BRICD5: variants seen among roughly 807,000 people sequenced by gnomAD.
BRICD5 encodes BRICHOS domain-containing protein 5.
In BRICD5, 51 loss-of-function variants were observed where a neutral mutation model predicts 28.4. That is an observed-to-expected ratio of 1.80 (90% CI 1.43 to 2.27). BRICD5 has a LOEUF of 2.27. Ranked by LOEUF, BRICD5 falls within the 30% of genes most tolerant of loss-of-function variation. The pLI, the probability that BRICD5 is intolerant of heterozygous loss-of-function variation, is 0.00. For synonymous variants in BRICD5, 177 were observed against 130.2 expected (o/e 1.36, Z -2.44); for missense variants, 456 against 309.6 (o/e 1.47, Z -3.55).
At chr16:2,209,808 G>A in intron 4 of BRICD5, 102 bp from the exon 5 acceptor site, 1 of 1,407,178 alleles carries the variant, frequency 7.1e-7, no homozygotes, top group Non-Finnish European at 9.6e-7. Context: ...CCCACCCTCA[G>A]CTCTTGTCAG....
chr16:2,210,788 T>C lies in BRICD5; in HGVS notation c.46A>G (p.Thr16Ala), dbSNP rs200699563. ...GAGTAACGGGAGGCACTCACCCCTG[T>C]AGGCCCAGGTTTGGGGCGCTCAGCA... ...CCAERPKPGP[T>A]GVKTKPSCGG... Residue 16 changes from threonine to alanine, a missense_variant, in exon 1 of 6, where the codon ACA (threonine) becomes GCA (alanine). Coordinates refer to ENST00000328540, the MANE Select transcript of BRICD5 (RefSeq NM_182563.4). The C allele has an allele frequency of 4.7e-5, 75 of 1,606,434 alleles. No individual in the cohort carries two copies. The highest frequency in any genetic ancestry group is 5.0e-5 in the Non-Finnish European group (59 of 1,179,950).
chr16:2,209,336 G>A lies in BRICD5; in HGVS notation c.*26C>T, dbSNP rs142915435. ...CTGGCCAGCCCACTGGATTGGGGAC[G>A]GGCCAGGCTGGGCCAGGTCGGGGGC... is the stretch of plus-strand genomic sequence containing the variant. On this transcript the variant is annotated 3_prime_UTR_variant, in exon 6 of 6. Transcript: ENST00000328540. 2.0e-4 allele frequency: 318 copies of A among 1,594,458 alleles called. 1 individual carries two copies. The African/African-American group carries it at 3.6e-3, about 18-fold the overall frequency.
rs780025119 is a variant in BRICD5 at position 2,209,674 on chromosome 16, G to C, written c.471C>G (p.Thr157=). 6.2e-7 allele frequency: 1 copy of C among 1,612,864 alleles called. No homozygotes were observed. Among genetic ancestry groups the C allele is most frequent in the Non-Finnish European group, 8.5e-7 (1 of 1,179,606 alleles). Residue 157 remains threonine (T), a synonymous_variant, in exon 5 of 6, where the codon ACC becomes ACG. Coordinates refer to ENST00000328540, the MANE Select transcript of BRICD5 (RefSeq NM_182563.4). The part of the protein sequence containing the change: ...VQEAWVPSQD[T]HHTQELLAVQ... ...CTGCCAGCAGCTCCTGGGTGTGGTG[G>C]GTGTCCTGGCTGGGGACCCAAGCCT...
intron 4 of BRICD5, 24 bp from the exon 5 acceptor site, chr16:2,209,730 G>C (rs1273020578): frequency 1.2e-5 from 19 of 1,585,882 alleles, no homozygotes; most frequent in Non-Finnish European, 1.5e-5. Flanking sequence ...TCTGGTGGGC[G>C]GTGGGACAGG....
chr16:2,210,054 G>A lies in BRICD5; in HGVS notation c.337-3C>T. 2 of 1,599,172 alleles carry A rather than the reference G, an allele frequency of 1.3e-6. No homozygotes were observed. Among genetic ancestry groups the A allele is most frequent in the Non-Finnish European group, 1.7e-6 (2 of 1,172,358 alleles). ...TCAGGGCGGTAACAGATGCAGCCCT[G>A]GGGAGGCAGGGGGGTGAGGCGGGGC... On this transcript the variant is annotated splice_region_variant and splice_polypyrimidine_tract_variant and intron_variant, in intron 3 of 5. Coordinates refer to ENST00000328540, the MANE Select transcript of BRICD5 (RefSeq NM_182563.4).
chr16:2,210,203 C>T lies in BRICD5; in HGVS notation c.259G>A (p.Ala87Thr), dbSNP rs545136878. ...RPNQTILVDV[A>T]RNAATITVTP... ...ACTGTGATGGTCGCCGCGTTCCGGG[C>T]CACGTCCACCAGGATGGTTTGGTTG... Residue 87 changes from alanine to threonine, a missense_variant, in exon 3 of 6, where the codon GCC becomes ACC. By Grantham distance (58) the Ala-to-Thr change is moderately conservative. Transcript: ENST00000328540. 4 of 1,590,760 alleles carry T rather than the reference C, an allele frequency of 2.5e-6. No homozygotes were observed. In the East Asian group the frequency reaches 6.8e-5, roughly 27 times the overall value.
At chr16:2,210,746 CT>C in intron 1 of BRICD5, 36 bp downstream of exon 1, 1 of 1,608,958 alleles carries the variant, frequency 6.2e-7, no homozygotes, top group Non-Finnish European at 8.5e-7. Context: ...GGGGCACCCC[CT>C]GGGTCCTTGC....
Position 2,209,367 on chromosome 16 carries a change from C to G in BRICD5, c.682G>C (p.Asp228His). 1 of 1,612,478 alleles carries G rather than the reference C, an allele frequency of 6.2e-7. No homozygotes were observed. Among genetic ancestry groups the G allele is most frequent in the Non-Finnish European group, 8.5e-7 (1 of 1,179,002 alleles). Residue 228 changes from aspartate to histidine, a missense_variant, in exon 6 of 6, where the codon GAC becomes CAC. Coordinates refer to ENST00000328540, the MANE Select transcript of BRICD5 (RefSeq NM_182563.4). ...GGCTGGGCCAGGTCGGGGGCTCAGT[C>G]TGGGAGGTAATAAAAGCAGACCGAC... is the stretch of plus-strand genomic sequence containing the variant. ...CVSVCFYYLPD is the reference protein window; with the variant it reads ...CVSVCFYYLPH
rs774265809 is a variant in BRICD5 at position 2,209,434 on chromosome 16, A to C, written c.615T>G (p.Ile205Met). ...GGAAGCAGATGTCGATGCAGAGATA[A>C]ATCAGCCGCTGTCTCCGGGGCCCTG... ...RAEGPRRQRL[I>M]YLCIDICFPS... The change falls in exon 6 of 6, where the codon ATT (isoleucine) becomes ATG (methionine). Residue 205 changes from isoleucine to methionine, a missense_variant. Physicochemically the swap from Ile to Met is conservative, Grantham distance 10. Coordinates refer to ENST00000328540, the MANE Select transcript of BRICD5 (RefSeq NM_182563.4). 1 of 1,613,638 alleles carries C rather than the reference A, an allele frequency of 6.2e-7. No homozygotes were observed. Among genetic ancestry groups the C allele is most frequent in the Admixed American group, 1.7e-5 (1 of 60,002 alleles).
chr16:2,209,899 G>A (rs1188861259), intron 4 of BRICD5, 51 bp downstream of exon 4: 11 of 1,459,146 alleles, frequency 7.5e-6, no homozygotes, highest in Non-Finnish European at 9.1e-6. Context: ...CTGCACACAG[G>A]ACCCTTTGTC....
At chr16:2,210,384 C>T (rs2093368403) in intron 2 of BRICD5, 103 bp from the exon 3 acceptor site, 14 of 1,532,452 alleles carry the variant, frequency 9.1e-6, no homozygotes, top group African/African-American at 1.4e-5. Flanking sequence ...GGCCCTTCCA[C>T]CCCTTGGTCC....
chr16:2,210,857 G>A lies in BRICD5; in HGVS notation c.-24C>T, dbSNP rs370227543. 1.1e-4 allele frequency: 183 copies of A among 1,600,038 alleles called. No individual in the cohort carries two copies. The highest frequency in any genetic ancestry group is 1.4e-4 in the Non-Finnish European group (166 of 1,179,788). On this transcript the variant is annotated 5_prime_UTR_variant, in exon 1 of 6. Coordinates refer to ENST00000328540, the MANE Select transcript of BRICD5 (RefSeq NM_182563.4). ...ATCCTGCAGCCCCTGCTCACAATGTGCCGATTGTCTGCGTCCCTTGTCTGC... is the reference window on the plus strand; with the variant it reads ...ATCCTGCAGCCCCTGCTCACAATGTACCGATTGTCTGCGTCCCTTGTCTGC...
rs1311000535 is a variant in BRICD5 at position 2,209,713 on chromosome 16, A to C, written c.439-7T>G. The C allele has an allele frequency of 6.2e-7, 1 of 1,602,476 alleles. No individual in the cohort carries two copies. Among genetic ancestry groups the C allele is most frequent in the African/African-American group, 1.3e-5 (1 of 74,604 alleles). On this transcript the variant is annotated splice_region_variant and splice_polypyrimidine_tract_variant and intron_variant, in intron 4 of 5. Coordinates refer to ENST00000328540, the MANE Select transcript of BRICD5 (RefSeq NM_182563.4). ...GGACCCAAGCCTCTTGGACCTGTTG[A>C]GAAGGCTCTGGTGGGCGGTGGGACA...
At position 2,210,052 on chromosome 16, in the gene BRICD5, C is replaced by T; in HGVS notation, c.337-1G>A. 6 of 1,600,160 alleles carry T rather than the reference C, an allele frequency of 3.7e-6. No homozygotes were observed. On this transcript the variant is annotated splice_acceptor_variant, in intron 3 of 5. Transcript: ENST00000328540. LOFTEE classifies it high-confidence loss of function. ...CCTCAGGGCGGTAACAGATGCAGCC[C>T]TGGGGAGGCAGGGGGGTGAGGCGGG...
Position 2,209,299 on chromosome 16 carries a change from G to A in BRICD5, c.*63C>T. On this transcript the variant is annotated 3_prime_UTR_variant, in exon 6 of 6. Coordinates refer to ENST00000328540, the MANE Select transcript of BRICD5 (RefSeq NM_182563.4). ...GTCCCTGCCAGCAGCTGTCCTCCCT[G>A]GTGCAGGTGGCCTGGCCAGCCCACT... 7.0e-7 allele frequency: 1 copy of A among 1,434,550 alleles called. No individual in the cohort carries two copies. Among genetic ancestry groups the A allele is most frequent in the Non-Finnish European group, 9.7e-7 (1 of 1,028,978 alleles). The allele number at this position is 1,434,550 out of a possible 1,614,324, so 88.9% of individuals were successfully genotyped here. A position where few individuals can be genotyped will look rare whatever the true frequency, so the allele number is the denominator to read the frequency against.
In BRICD5 at chr16:2,210,036, G is replaced by T; in HGVS notation, c.352C>A (p.Arg118Ser). 1 of 1,592,420 alleles carries T rather than the reference G, an allele frequency of 6.3e-7. No homozygotes were observed. Among genetic ancestry groups the T allele is most frequent in the East Asian group, 2.3e-5 (1 of 44,334 alleles). The change falls in exon 4 of 6, where the codon CGC becomes AGC. Residue 118 changes from arginine (R) to serine (S), a missense_variant. Physicochemically the swap from Arg to Ser is moderately radical, Grantham distance 110 (BLOSUM62 -1). Transcript: ENST00000328540. ...FDGQSGCICY[R>S]PEEHQVCFLR... is the part of the protein sequence containing the mutation. ...AAGCAGACCTGGTGCTCCTCAGGGCGGTAACAGATGCAGCCCTGGGGAGGC... is the reference window on the plus strand; with the variant it reads ...AAGCAGACCTGGTGCTCCTCAGGGCTGTAACAGATGCAGCCCTGGGGAGGC...
rs2093366364 is a variant in BRICD5, at chr16:2,210,022, G to A, written c.366C>T (p.His122=). The change falls in exon 4 of 6, where the codon CAC becomes CAT. Residue 122 remains histidine (H), a synonymous_variant. Transcript: ENST00000328540. The stretch of plus-strand genomic sequence containing the variant: ...CCATCAGGCGGAGGAAGCAGACCTG[G>A]TGCTCCTCAGGGCGGTAACAGATGC... ...SGCICYRPEE[H]QVCFLRLMED... 1 of 1,574,664 alleles carries A rather than the reference G, an allele frequency of 6.4e-7. No individual in the cohort carries two copies. Among genetic ancestry groups the A allele is most frequent in the Non-Finnish European group, 8.7e-7 (1 of 1,155,518 alleles).
At chr16:2,210,694 C>A (rs767887487) in intron 1 of BRICD5, 44 bp from the exon 2 acceptor site, 6 of 1,610,484 alleles carry the variant, frequency 3.7e-6, no homozygotes, top group East Asian at 2.2e-5. Flanking sequence ...GGTTAGACAT[C>A]AGGGAGCAAG....
In BRICD5 at chr16:2,210,218, T is replaced by C; in HGVS notation, c.244A>G (p.Ile82Val). The change falls in exon 3 of 6, where the codon ATC becomes GTC. Residue 82 changes from isoleucine (I) to valine (V), a missense_variant. Physicochemically the swap from Ile to Val is conservative, Grantham distance 29. Transcript: ENST00000328540. ...GCGTTCCGGGCCACGTCCACCAGGA[T>C]GGTTTGGTTGGGCCGGGGCATGTGG... The part of the protein sequence containing the change: ...SPHMPRPNQT[I>V]LVDVARNAAT... 1.3e-6 allele frequency: 2 copies of C among 1,579,740 alleles called. No homozygotes were observed. The highest frequency in any genetic ancestry group is 1.7e-6 in the Non-Finnish European group (2 of 1,165,494).
Sources: allele counts gnomAD v4.1 joint callset, GRCh38; gene constraint gnomAD v4.1.1; transcripts MANE v1.5; gene names NCBI Gene and HGNC (gene_info 2026-07-23, HGNC 2026-07-21).